PYROXD1: variants seen among roughly 807,000 people sequenced by gnomAD.
The protein encoded by PYROXD1 is tRNA ligase complex-associated NAD(P)H dehydrogenase PYROXD1.
In PYROXD1, 42 loss-of-function variants were observed where a neutral mutation model predicts 62.0. That is an observed-to-expected ratio of 0.68 (90% CI 0.53 to 0.88). PYROXD1 has a LOEUF of 0.88. Ranked by LOEUF, PYROXD1 falls within the 40% of genes least tolerant of loss-of-function variation. PYROXD1 has a pLI of 0.00. For missense variants in PYROXD1, 493 were observed against 604.8 expected (o/e 0.82, Z 1.94); for synonymous variants, 170 against 206.4 (o/e 0.82, Z 1.51).
chr12:21,449,436 G>A, intron 3 of PYROXD1, 127 bp from the exon 4 acceptor site: 1 of 709,564 alleles, frequency 1.4e-6, no homozygotes, highest in Non-Finnish European at 2.2e-6. Context: ...AGAACTGAGT[G>A]CCACCAAGAG....
intron 3 of PYROXD1, among the ~76,000 whole-genome samples, chr12:21,448,719 G>A (rs994018554): frequency 6.6e-6 from 1 of 152,134 alleles, no homozygotes; most frequent in Non-Finnish European, 1.5e-5. Context: ...TAAATCATTC[G>A]AACAAAGTTG....
chr12:21,448,267 A>G (rs1411248264), intron 3 of PYROXD1: 4 of 384,320 alleles, frequency 1.0e-5, no homozygotes, highest in Non-Finnish European at 2.0e-5. Flanking sequence ...GAACTTCAGT[A>G]GTTTCCTAGT....
At chr12:21,455,374 A>G in intron 6 of PYROXD1, 82 bp downstream of exon 6, 1 of 859,694 alleles carries the variant, frequency 1.2e-6, no homozygotes. Flanking sequence ...AAAATTTAAT[A>G]AAATAAATTT....
At chr12:21,438,064 G>A (rs1942225262) in intron 1 of PYROXD1, 1 of 550,844 alleles carries the variant, frequency 1.8e-6, no homozygotes, top group South Asian at 2.3e-5. Flanking sequence ...GCTGATCCGT[G>A]CTCAGATCCT....
At chr12:21,466,600 A>G (rs1219733571) in intron 10 of PYROXD1, among the ~76,000 whole-genome samples, 4 of 152,210 alleles carry the variant, frequency 2.6e-5, no homozygotes, top group Admixed American at 6.5e-5. Flanking sequence ...CAATCATGTC[A>G]TCTGCAAACA....
In PYROXD1 at chr12:21,462,022, T is replaced by A. The variant is rs569241904; in HGVS notation, c.895T>A (p.Tyr299Asn). The A allele has an allele frequency of 1.2e-6, 2 of 1,609,154 alleles. No individual in the cohort carries two copies. The highest frequency in any genetic ancestry group is 2.7e-5 in the African/African-American group (2 of 74,764). The change falls in exon 9 of 12, where the codon TAT (tyrosine) becomes AAT (asparagine). Residue 299 changes from tyrosine to asparagine, a missense_variant. Transcript: ENST00000240651. The part of the protein sequence containing the change: ...VTADTEMWPV[Y>N]VELTNEKIYG... ...TTTTCTTAAAGAGATGTGGCCTGTC[T>A]ATGTGGAATTGACCAATGAAAAGAT...
intron 10 of PYROXD1, among the ~76,000 whole-genome samples, chr12:21,466,680 C>A (rs1353798446): frequency 6.6e-6 from 1 of 152,096 alleles, no homozygotes; most frequent in Non-Finnish European, 1.5e-5. Context: ...ATTGCCCTGG[C>A]CAGAACTTCC....
At chr12:21,461,938 C>CA in intron 8 of PYROXD1, 70 bp from the exon 9 acceptor site, 2 of 849,692 alleles carry the variant, frequency 2.4e-6, no homozygotes, top group East Asian at 5.0e-5. Context: ...TCATTGTAGT[C>CA]ACATACACTG....
chr12:21,470,228 G>A lies in PYROXD1; in HGVS notation c.*1474G>A. 1 of 1,608,966 alleles carries A rather than the reference G, an allele frequency of 6.2e-7. No individual in the cohort carries two copies. The highest frequency in any genetic ancestry group is 1.1e-5 in the South Asian group (1 of 90,178). ...ATCGATTTTTCTTTTCTTAGCTCCTGTATTCTTAGAACCAGATTGCTGAAG... is the reference window on the plus strand; with the variant it reads ...ATCGATTTTTCTTTTCTTAGCTCCTATATTCTTAGAACCAGATTGCTGAAG... On this transcript the variant is annotated 3_prime_UTR_variant, in exon 12 of 12. Coordinates refer to ENST00000240651, the MANE Select transcript of PYROXD1 (RefSeq NM_024854.5).
At chr12:21,449,336 T>A (rs899520231) in intron 3 of PYROXD1, among the ~76,000 whole-genome samples, 10 of 147,970 alleles carry the variant, frequency 6.8e-5, no homozygotes, top group African/African-American at 2.5e-4. Flanking sequence ...TTTCAGGAGA[T>A]CTCAAAATGG....
chr12:21,439,319 C>T (rs1449829540), intron 1 of PYROXD1, among the ~76,000 whole-genome samples: 2 of 151,900 alleles, frequency 1.3e-5, no homozygotes, highest in South Asian at 2.1e-4. Flanking sequence ...AGAGCCAATT[C>T]GAAGGTGATT....
intron 4 of PYROXD1, among the ~76,000 whole-genome samples, chr12:21,450,309 G>C (rs1009514869): frequency 6.6e-6 from 1 of 152,028 alleles, no homozygotes; most frequent in African/African-American, 2.4e-5. Flanking sequence ...TACTCTACTT[G>C]GGGAATATGT....
chr12:21,453,457 T>C (rs1942538466), intron 5 of PYROXD1, among the ~76,000 whole-genome samples: 1 of 152,126 alleles, frequency 6.6e-6, no homozygotes, highest in Non-Finnish European at 1.5e-5. Context: ...TCAGTGAAAC[T>C]AATACTAATG....
chr12:21,463,856 G>A (rs1035910366), intron 10 of PYROXD1, among the ~76,000 whole-genome samples: 1 of 152,166 alleles, frequency 6.6e-6, no homozygotes, highest in Non-Finnish European at 1.5e-5. Context: ...GGTGTGCAGA[G>A]GGGTAGAGAC....
chr12:21,448,496 T>C (rs967694409), intron 3 of PYROXD1, among the ~76,000 whole-genome samples: 7 of 152,264 alleles, frequency 4.6e-5, no homozygotes, highest in African/African-American at 1.7e-4. Flanking sequence ...AATTAACTTT[T>C]GTTCTTGTCA....
chr12:21,467,849 A>C (rs1942831013), intron 11 of PYROXD1, among the ~76,000 whole-genome samples: 1 of 151,888 alleles, frequency 6.6e-6, no homozygotes, highest in Non-Finnish European at 1.5e-5. Context: ...GAGGGAAAAA[A>C]ATTTCTCTCT....
At chr12:21,448,098 A>G (rs1942426682) in intron 3 of PYROXD1, 2 of 641,160 alleles carry the variant, frequency 3.1e-6, no homozygotes, top group East Asian at 2.8e-5. Context: ...CATGGCTTTT[A>G]TCATGTCTGA....
intron 3 of PYROXD1, among the ~76,000 whole-genome samples, chr12:21,447,381 C>A (rs548697021): frequency 1.3e-5 from 2 of 152,200 alleles, no homozygotes; most frequent in Admixed American, 1.3e-4. Flanking sequence ...ATATATTTGT[C>A]AATTTATTTG....
chr12:21,451,682 C>CTTCTCA (rs71539403), intron 4 of PYROXD1, among the ~76,000 whole-genome samples: 74,389 of 151,218 alleles, frequency 0.49, 18,272 homozygotes, highest in Middle Eastern at 0.58. Flanking sequence ...TGCTGCTGAG[C>CTTCTCA]TTCTCATTCC....
Sources: gnomAD v4.1 joint callset for allele counts (sites outside exome capture counted in the v4.1 genomes callset) on GRCh38, gnomAD v4.1.1 for gene constraint, MANE v1.5 for transcripts, NCBI Gene and HGNC (gene_info 2026-07-23, HGNC 2026-07-21) for gene names.